The following PAN3 variants were observed in gnomAD, a reference collection of about 807,000 sequenced individuals.
PAN3 encodes the protein poly(A) specific ribonuclease subunit PAN3.
Under a neutral mutation model 96.2 loss-of-function variants are expected in PAN3, and 19 were observed. The observed-to-expected ratio is 0.20, with a 90% CI of 0.14 to 0.29. PAN3 has a LOEUF of 0.29. Ranked by LOEUF, PAN3 falls within the 10% of genes least tolerant of loss-of-function variation. The pLI, the probability that PAN3 is intolerant of heterozygous loss-of-function variation, is 1.00. For synonymous variants in PAN3, 433 were observed against 406.6 expected (o/e 1.06, Z -0.78); for missense variants, 882 against 1,108.1 (o/e 0.80, Z 2.90).
intron 5 of PAN3, among the ~76,000 whole-genome samples, chr13:28,212,596 A>G (rs1466519008): frequency 1.3e-5 from 2 of 152,370 alleles, no homozygotes; most frequent in East Asian, 3.9e-4. Flanking sequence ...ATGTTGAGGA[A>G]GCTTAGAGGA....
chr13:28,160,533 TAGG>T (rs1872763769), intron 1 of PAN3, among the ~76,000 whole-genome samples: 1 of 152,168 alleles, frequency 6.6e-6, no homozygotes, highest in Non-Finnish European at 1.5e-5. Flanking sequence ...AAATGTGAGT[TAGG>T]AGATTAGGAT....
chr13:28,207,748 A>T (rs1394820439), intron 5 of PAN3, among the ~76,000 whole-genome samples: 1 of 152,206 alleles, frequency 6.6e-6, no homozygotes, highest in Non-Finnish European at 1.5e-5. Flanking sequence ...TATCACATAA[A>T]CTAATATCAA....
intron 9 of PAN3, 61 bp from the exon 10 acceptor site, chr13:28,266,654 T>G (rs1213349232): frequency 7.5e-7 from 1 of 1,332,708 alleles, no homozygotes; most frequent in Non-Finnish European, 1.0e-6. Context: ...GTCTTCTGTA[T>G]TTTTGAGAAA....
intron 4 of PAN3, among the ~76,000 whole-genome samples, chr13:28,194,148 A>G (rs1463353956): frequency 6.8e-6 from 1 of 146,998 alleles, no homozygotes; most frequent in Admixed American, 6.8e-5. Flanking sequence ...TGGAGTCTCA[A>G]AAAAAAAAAT....
intron 1 of PAN3, among the ~76,000 whole-genome samples, chr13:28,156,682 C>G (rs913317507): frequency 2.8e-4 from 42 of 152,242 alleles, no homozygotes; most frequent in African/African-American, 1.0e-3. Flanking sequence ...CAAACTGAAT[C>G]CAGCAGCATA....
At chr13:28,238,316 T>A (rs1286323921) in intron 6 of PAN3, among the ~76,000 whole-genome samples, 1 of 152,238 alleles carries the variant, frequency 6.6e-6, no homozygotes, top group Non-Finnish European at 1.5e-5. Context: ...ACAATGGGTG[T>A]TTAGCTCATT....
intron 17 of PAN3, among the ~76,000 whole-genome samples, chr13:28,285,145 A>G (rs1274322603): frequency 6.6e-6 from 1 of 152,142 alleles, no homozygotes; most frequent in Non-Finnish European, 1.5e-5. Flanking sequence ...ACTGGTATAT[A>G]TGAGAATTCT....
intron 16 of PAN3, among the ~76,000 whole-genome samples, 194 bp downstream of exon 16, chr13:28,280,735 AT>A (rs1275781209): frequency 6.6e-6 from 1 of 151,330 alleles, no homozygotes; most frequent in African/African-American, 2.4e-5. Flanking sequence ...CTATTTTTGT[AT>A]TGTTAGTAGA....
chr13:28,267,714 T>G (rs552306465), intron 12 of PAN3, among the ~76,000 whole-genome samples: 1 of 151,002 alleles, frequency 6.6e-6, no homozygotes, highest in African/African-American at 2.4e-5. Context: ...GTAAAAGGGG[T>G]TTCCCCCTGT....
chr13:28,245,799 C>G (rs1191816573), intron 6 of PAN3, among the ~76,000 whole-genome samples: 1 of 152,138 alleles, frequency 6.6e-6, no homozygotes, highest in Non-Finnish European at 1.5e-5. Context: ...TGTCTAGCCT[C>G]TTTCAGCTAA....
chr13:28,180,450 T>G (rs760660081), intron 4 of PAN3, among the ~76,000 whole-genome samples: 2 of 152,186 alleles, frequency 1.3e-5, no homozygotes, highest in Non-Finnish European at 2.9e-5. Flanking sequence ...TCTCAAAATC[T>G]CTTTACATTA....
intron 1 of PAN3, among the ~76,000 whole-genome samples, chr13:28,158,616 G>T (rs531285248): frequency 2.0e-5 from 3 of 152,286 alleles, no homozygotes; most frequent in African/African-American, 7.2e-5. Context: ...GGTGGCTCAC[G>T]CCTGTAATCC....
At chr13:28,286,368 G>A (rs1362049490) in intron 17 of PAN3, among the ~76,000 whole-genome samples, 1 of 152,210 alleles carries the variant, frequency 6.6e-6, no homozygotes, top group Admixed American at 6.5e-5. Context: ...TTTTTAGAAA[G>A]TAAAACCTCC....
intron 6 of PAN3, among the ~76,000 whole-genome samples, chr13:28,220,804 A>G (rs1228531153): frequency 1.3e-5 from 2 of 152,164 alleles, no homozygotes; most frequent in Admixed American, 6.5e-5. Flanking sequence ...ACATCTTTAG[A>G]TGGTATTCCC....
At chr13:28,181,377 G>A (rs920961317) in intron 4 of PAN3, among the ~76,000 whole-genome samples, 1 of 151,950 alleles carries the variant, frequency 6.6e-6, no homozygotes, top group Non-Finnish European at 1.5e-5. Context: ...AGGAGTGGTG[G>A]TGAACGCCTG....
At chr13:28,156,937 G>A (rs935216153) in intron 1 of PAN3, among the ~76,000 whole-genome samples, 9 of 142,278 alleles carry the variant, frequency 6.3e-5, no homozygotes, top group African/African-American at 2.1e-4. Flanking sequence ...AGAGGTTGCA[G>A]TGAGCTGAGA....
At chr13:28,246,326 TAACTG>T (rs1291471890) in intron 6 of PAN3, among the ~76,000 whole-genome samples, 1 of 152,202 alleles carries the variant, frequency 6.6e-6, no homozygotes, top group African/African-American at 2.4e-5. Context: ...TGATACATAA[TAACTG>T]TACATAATTT....
intron 1 of PAN3, among the ~76,000 whole-genome samples, chr13:28,150,619 A>G (rs1871250870): frequency 6.7e-6 from 1 of 150,158 alleles, no homozygotes; most frequent in Admixed American, 6.6e-5. Context: ...CCTAGGCGAC[A>G]GAGCGAGACT....
intron 17 of PAN3, among the ~76,000 whole-genome samples, chr13:28,283,109 C>T (rs776773978): frequency 1.3e-5 from 2 of 151,814 alleles, no homozygotes; most frequent in Non-Finnish European, 2.9e-5. Flanking sequence ...AGTGCAATGG[C>T]GCATTCTTGG....
Sources: gnomAD v4.1 joint callset for allele counts (sites outside exome capture counted in the v4.1 genomes callset) on GRCh38, gnomAD v4.1.1 for gene constraint, MANE v1.5 for transcripts, NCBI Gene and HGNC (gene_info 2026-07-23, HGNC 2026-07-21) for gene names.